Variants in MINDY4B observed in about 807,000 individuals in gnomAD.
The protein encoded by MINDY4B is inactive ubiquitin carboxyl-terminal hydrolase MINDY-4B.
Under a neutral mutation model 16.7 loss-of-function variants are expected in MINDY4B, and 25 were observed. The observed-to-expected ratio is 1.49, with a 90% confidence interval of 1.09 to 2.09. The LOEUF (loss-of-function observed/expected upper bound fraction) is 2.09, where lower values mean the gene tolerates loss of function less well. MINDY4B is among the 30% of genes most tolerant of loss of function. The pLI is 0.00. For synonymous variants in MINDY4B, 132 were observed against 61.9 expected (o/e 2.13, Z -5.32); for missense variants, 327 against 168.4 (o/e 1.94, Z -5.21).
At chr3:150,894,402 G>A (rs769140325) in intron 3 of MINDY4B, 97 bp from the exon 4 acceptor site, 39 of 585,526 alleles carry the variant, frequency 6.7e-5, no homozygotes, top group Non-Finnish European at 8.7e-5. Context: ...GGTGGGCCTC[G>A]TTCCCTTCTA....
At chr3:150,894,087 T>G (rs868143038) in intron 4 of MINDY4B, 99 bp downstream of exon 4, 1 of 547,866 alleles carries the variant, frequency 1.8e-6, no homozygotes, top group Middle Eastern at 3.9e-4. Context: ...TACACATGAT[T>G]ATAATGAAGA....
chr3:150,876,967 T>C (rs1711497548), intron 10 of MINDY4B, among the ~76,000 whole-genome samples: 1 of 152,140 alleles, frequency 6.6e-6, no homozygotes. Context: ...CCTCATCTTA[T>C]GGGTAGCTGG....
In MINDY4B at chr3:150,903,252, G is replaced by C. The variant is rs1028679486; in HGVS notation, c.306C>G (p.Ala102=). The change falls in exon 3 of 12, where the codon GCC becomes GCG. Residue 102 remains alanine, a synonymous_variant. Coordinates refer to ENST00000465419, the MANE Select transcript of MINDY4B (RefSeq NM_001351281.2). ...TTAATTGACAAGCTATACTTACCGT[G>C]GCCATTGCTAGGGAGATAGGAAAGC... ...LGGFPISLAM[A]TKLRQILFGN... 5.0e-6 allele frequency: 2 copies of C among 398,394 alleles called. No homozygotes were observed. The highest frequency in any genetic ancestry group is 8.8e-5 in the Admixed American group (2 of 22,716). 24.7% of individuals were successfully genotyped at this position (398,394 alleles called of 1,614,324 possible).
intron 8 of MINDY4B, among the ~76,000 whole-genome samples, chr3:150,884,191 C>T (rs1197072269): frequency 2.6e-5 from 4 of 152,220 alleles, no homozygotes; most frequent in Non-Finnish European, 4.4e-5. Flanking sequence ...CATTTCTTGG[C>T]TGAGCCCGTT....
intron 10 of MINDY4B, among the ~76,000 whole-genome samples, chr3:150,880,342 G>GTGTGTGTGT (rs1559964876): frequency 1.5e-5 from 2 of 135,264 alleles, no homozygotes; most frequent in African/African-American, 6.9e-5. Flanking sequence ...TGTGTGTGTG[G>GTGTGTGTGT]ATGCGCACAC....
chr3:150,888,284 TA>T (rs35140920), intron 7 of MINDY4B, among the ~76,000 whole-genome samples: 11,682 of 152,128 alleles, frequency 0.077, 563 homozygotes, highest in African/African-American at 0.13. Flanking sequence ...CCTTCTCTTG[TA>T]AAAGATACCA....
Position 150,894,262 on chromosome 3 carries a change from C to G in MINDY4B, c.353G>C (p.Ser118Thr). The G allele has an allele frequency of 1.4e-6, 1 of 701,768 alleles. No homozygotes were observed. Among genetic ancestry groups the G allele is most frequent in the Non-Finnish European group, 2.6e-6 (1 of 384,560 alleles). 43.5% of individuals were successfully genotyped at this position (701,768 alleles called of 1,614,324 possible). The change falls in exon 4 of 12, where the codon AGC becomes ACC. Residue 118 changes from serine (S) to threonine (T), a missense_variant. By Grantham distance (58) the Ser-to-Thr change is moderately conservative. Transcript: ENST00000465419. ...GAAATAGGCCTTTTTCCAGTTATAGCTAAAGACATGGACTGTGTTTCCAAA... is the reference window on the plus strand; with the variant it reads ...GAAATAGGCCTTTTTCCAGTTATAGGTAAAGACATGGACTGTGTTTCCAAA... ...ILFGNTVHVF[S>T]YNWKKAYFRF...
intron 3 of MINDY4B, among the ~76,000 whole-genome samples, chr3:150,896,672 C>G (rs563924687): frequency 6.6e-6 from 1 of 152,158 alleles, no homozygotes; most frequent in African/African-American, 2.4e-5. Context: ...ACCTAGCAAG[C>G]CTACCAGGCT....
chr3:150,873,965 T>C (rs975991994), intron 10 of MINDY4B, among the ~76,000 whole-genome samples: 10 of 151,672 alleles, frequency 6.6e-5, no homozygotes, highest in Admixed American at 6.6e-4. Flanking sequence ...CAGCTTGTTA[T>C]CGGTTTTTTT....
In MINDY4B at chr3:150,885,447, A is replaced by G; in HGVS notation, c.754-9T>C. ...CTTCCTTCCCCTCTGAACTGTTCGG[A>G]AAAGAAAAGAAAAGCATGTTGGTCT... On this transcript the variant is annotated splice_polypyrimidine_tract_variant and intron_variant, in intron 7 of 11. Coordinates refer to ENST00000465419, the MANE Select transcript of MINDY4B (RefSeq NM_001351281.2). 1 of 652,714 alleles carries G rather than the reference A, an allele frequency of 1.5e-6. No homozygotes were observed. Among genetic ancestry groups the G allele is most frequent in the Non-Finnish European group, 2.8e-6 (1 of 361,280 alleles). 40.4% of individuals were successfully genotyped at this position (652,714 alleles called of 1,614,324 possible). A position where few individuals can be genotyped will look rare whatever the true frequency, so the allele number is the denominator to read the frequency against.
intron 3 of MINDY4B, chr3:150,901,522 CTTTTTT>C (rs10556676): frequency 0.18 from 24,417 of 134,892 alleles, 3,137 homozygotes; most frequent in African/African-American, 0.37. Flanking sequence ...CTTTTCTTTT[CTTTTTT>C]TTTTTTTTTT....
At chr3:150,887,488 T>A (rs1288722080) in intron 7 of MINDY4B, among the ~76,000 whole-genome samples, 1 of 152,222 alleles carries the variant, frequency 6.6e-6, no homozygotes, top group Non-Finnish European at 1.5e-5. Flanking sequence ...ATTCAGTCTA[T>A]CAAAACTTGT....
Position 150,870,701 on chromosome 3 carries a change from G to A in MINDY4B, c.*344C>T, listed in dbSNP as rs1474579129. On this transcript the variant is annotated 3_prime_UTR_variant, in exon 12 of 12. Coordinates refer to ENST00000465419, the MANE Select transcript of MINDY4B (RefSeq NM_001351281.2). ...AAATGAAAGCTAGCAGCCTGCTTCCGTAATCCTCATGGAGAGTTATACCAA... is the reference window on the plus strand; with the variant it reads ...AAATGAAAGCTAGCAGCCTGCTTCCATAATCCTCATGGAGAGTTATACCAA... Among the ~76,000 whole-genome samples the A allele has an allele frequency of 3.3e-5, 5 of 152,182 alleles. No homozygotes were observed. The highest frequency in any genetic ancestry group is 1.3e-4 in the Admixed American group (2 of 15,284).
intron 7 of MINDY4B, among the ~76,000 whole-genome samples, chr3:150,887,637 A>G (rs1005752063): frequency 2.6e-5 from 4 of 152,244 alleles, no homozygotes; most frequent in South Asian, 2.1e-4. Context: ...TACTTCTGAC[A>G]TTCACTGATT....
chr3:150,876,837 C>T (rs1242804471), intron 10 of MINDY4B, among the ~76,000 whole-genome samples: 1 of 152,104 alleles, frequency 6.6e-6, no homozygotes, highest in Non-Finnish European at 1.5e-5. Flanking sequence ...TGTGAACCTC[C>T]CAAGGCTTTC....
chr3:150,877,049 CTT>C lies in MINDY4B; in HGVS notation c.1060-3684_1060-3683del, dbSNP rs11362861. ...TCATGTCATCTAATGAGAATACCAT[CTT>C]TTTTTTTTAAAGTCTCACCCACTGG... is the stretch of plus-strand genomic sequence containing the variant. On this transcript the variant is annotated intron_variant, in intron 10 of 11. Coordinates refer to ENST00000465419, the MANE Select transcript of MINDY4B (RefSeq NM_001351281.2). Among the ~76,000 whole-genome samples, 9 of 151,064 alleles carry C rather than the reference CTT, an allele frequency of 6.0e-5. 1 individual carries two copies. Among genetic ancestry groups the C allele is most frequent in the African/African-American group, 1.2e-4 (5 of 41,178 alleles).
intron 6 of MINDY4B, chr3:150,890,661 C>T: frequency 2.0e-6 from 1 of 490,596 alleles, no homozygotes; most frequent in Non-Finnish European, 3.6e-6. Context: ...TGAAATTTAG[C>T]TGTCTTTCGG....
intron 10 of MINDY4B, among the ~76,000 whole-genome samples, chr3:150,879,609 G>C (rs1711504562): frequency 6.6e-6 from 1 of 152,176 alleles, no homozygotes; most frequent in Non-Finnish European, 1.5e-5. Context: ...GTGGGGCCCA[G>C]TGCAAAATGA....
At chr3:150,874,588 A>G (rs1717049551) in intron 10 of MINDY4B, among the ~76,000 whole-genome samples, 1 of 152,212 alleles carries the variant, frequency 6.6e-6, no homozygotes, top group Non-Finnish European at 1.5e-5. Flanking sequence ...ATGTGACGCC[A>G]AGGAGAATTC....
Sources: gnomAD v4.1 joint callset for allele counts (sites outside exome capture counted in the v4.1 genomes callset) on GRCh38, gnomAD v4.1.1 for gene constraint, MANE v1.5 for transcripts, NCBI Gene and HGNC (gene_info 2026-07-23, HGNC 2026-07-21) for gene names.